THADA: variants seen among roughly 807,000 people sequenced by gnomAD.
THADA encodes tRNA (32-2'-O)-methyltransferase regulator THADA.
In THADA, 213 loss-of-function variants were observed where a neutral mutation model predicts 219.8. The observed-to-expected ratio is 0.97, with a 90% CI of 0.87 to 1.09. The LOEUF (loss-of-function observed/expected upper bound fraction) is 1.09, where lower values mean the gene tolerates loss of function less well. Ranked by LOEUF, THADA falls within the 50% of genes least tolerant of loss-of-function variation. The probability of loss-of-function intolerance (pLI) is 0.00; values close to 1 mark genes in which losing one functional copy is unlikely to be tolerated. For synonymous variants in THADA, 1,018 were observed against 828.9 expected (o/e 1.23, Z -3.92); for missense variants, 2,956 against 2,311.3 (o/e 1.28, Z -5.72).
intron 37 of THADA, 31 bp downstream of exon 37, chr2:43,232,682 G>GC (rs1289736742): frequency 6.2e-7 from 1 of 1,610,544 alleles, no homozygotes; most frequent in African/African-American, 1.3e-5. Context: ...CTCCAACCCT[G>GC]CCTCCTACTC....
chr2:43,429,801 A>C (rs764139565), intron 27 of THADA, among the ~76,000 whole-genome samples: 6 of 151,948 alleles, frequency 3.9e-5, no homozygotes, highest in Non-Finnish European at 7.4e-5. Context: ...TTCAGGTACA[A>C]ATTTACTACA....
intron 29 of THADA, among the ~76,000 whole-genome samples, chr2:43,375,440 C>T (rs145652438): frequency 6.6e-6 from 1 of 152,182 alleles, no homozygotes; most frequent in Admixed American, 6.5e-5. Flanking sequence ...TATTTTCTCT[C>T]TATTCTTCTT....
At chr2:43,366,656 A>G (rs1670191247) in intron 29 of THADA, among the ~76,000 whole-genome samples, 1 of 152,264 alleles carries the variant, frequency 6.6e-6, no homozygotes, top group Admixed American at 6.5e-5. Context: ...AAGGTTCCCA[A>G]TGAAGTTACC....
chr2:43,231,334 C>T lies in THADA; in HGVS notation c.5476G>A (p.Asp1826Asn), dbSNP rs936609942. The T allele has an allele frequency of 1.9e-6, 3 of 1,541,806 alleles. No homozygotes were observed. The highest frequency in any genetic ancestry group is 1.3e-5 in the South Asian group (1 of 77,942). ...CVESMHQVEE[D>N]YLFEKAEVNF... ...ACTTCTGCTTTTTCAAACAGGTAGTCTTCTTCCACCTAAATCAGATGAAAA... is the reference window on the plus strand; with the variant it reads ...ACTTCTGCTTTTTCAAACAGGTAGTTTTCTTCCACCTAAATCAGATGAAAA... The change falls in exon 38 of 38, where the codon GAC becomes AAC. Residue 1826 changes from aspartate to asparagine, a missense_variant. By Grantham distance (23) the Asp-to-Asn change is conservative (BLOSUM62 1). Coordinates refer to ENST00000405975, the MANE Select transcript of THADA (RefSeq NM_022065.5).
chr2:43,593,516 C>G (rs1701801399), intron 1 of THADA, among the ~76,000 whole-genome samples: 1 of 152,104 alleles, frequency 6.6e-6, no homozygotes, highest in Non-Finnish European at 1.5e-5. Flanking sequence ...CAGAGAACAG[C>G]TCAGTTAACC....
At chr2:43,518,576 A>G (rs1574053521) in intron 22 of THADA, among the ~76,000 whole-genome samples, 2 of 152,252 alleles carry the variant, frequency 1.3e-5, no homozygotes, top group South Asian at 4.1e-4. Context: ...GTTCAGGTTC[A>G]TGTAAAAGTG....
intron 28 of THADA, among the ~76,000 whole-genome samples, chr2:43,424,053 T>A (rs1417282338): frequency 6.6e-6 from 1 of 152,188 alleles, no homozygotes; most frequent in Non-Finnish European, 1.5e-5. Context: ...CATCAGAACA[T>A]AAAATACACT....
At chr2:43,439,083 T>C (rs1366603778) in intron 26 of THADA, among the ~76,000 whole-genome samples, 1 of 152,208 alleles carries the variant, frequency 6.6e-6, no homozygotes, top group African/African-American at 2.4e-5. Context: ...CTTAATATTT[T>C]TGAACCACTG....
At chr2:43,436,700 T>C (rs1255154358) in intron 26 of THADA, among the ~76,000 whole-genome samples, 1 of 152,200 alleles carries the variant, frequency 6.6e-6, no homozygotes, top group Non-Finnish European at 1.5e-5. Flanking sequence ...CTAGAATACA[T>C]TCTTTGGACT....
At chr2:43,528,084 C>T in intron 21 of THADA, 96 bp from the exon 22 acceptor site, 2 of 747,386 alleles carry the variant, frequency 2.7e-6, no homozygotes, top group East Asian at 2.7e-5. Flanking sequence ...GTCTAGGGGT[C>T]CATTCATTTA....
In THADA at chr2:43,290,133, C is replaced by A. The variant is rs146894874; in HGVS notation, c.5010+1563G>T. On this transcript the variant is annotated intron_variant, in intron 34 of 37. Coordinates refer to ENST00000405975, the MANE Select transcript of THADA (RefSeq NM_022065.5). ...GATTACAGGCGCCCACCACCACACCCGTCTAATTTTTGTATTTCTTGGTAG... is the reference window on the plus strand; with the variant it reads ...GATTACAGGCGCCCACCACCACACCAGTCTAATTTTTGTATTTCTTGGTAG... Among the ~76,000 whole-genome samples, 286 of 151,902 alleles carry A rather than the reference C, an allele frequency of 1.9e-3. 7 individuals carry two copies. The East Asian group carries it at 0.045, about 24-fold the overall frequency.
intron 21 of THADA, among the ~76,000 whole-genome samples, chr2:43,533,847 T>C (rs1694213256): frequency 6.6e-6 from 1 of 152,192 alleles, no homozygotes; most frequent in South Asian, 2.1e-4. Context: ...CCGTGGCACA[T>C]GTATACCTAC....
chr2:43,387,206 T>C (rs1254832462), intron 29 of THADA, among the ~76,000 whole-genome samples: 1 of 152,170 alleles, frequency 6.6e-6, no homozygotes, highest in African/African-American at 2.4e-5. Context: ...TATGTGTCAT[T>C]TTCCGAAGCT....
chr2:43,472,796 A>G (rs749233512), intron 26 of THADA, among the ~76,000 whole-genome samples: 3 of 152,222 alleles, frequency 2.0e-5, no homozygotes, highest in Non-Finnish European at 2.9e-5. Flanking sequence ...TATTACTCCT[A>G]TGCTACAAAC....
chr2:43,353,128 G>T (rs1490968367), intron 29 of THADA, among the ~76,000 whole-genome samples: 1 of 152,036 alleles, frequency 6.6e-6, no homozygotes, highest in Non-Finnish European at 1.5e-5. Flanking sequence ...ATCTATCTCA[G>T]TTTCTTTATT....
At chr2:43,413,599 C>T (rs900470075) in intron 28 of THADA, among the ~76,000 whole-genome samples, 22 of 152,124 alleles carry the variant, frequency 1.4e-4, no homozygotes, top group Non-Finnish European at 3.1e-4. Flanking sequence ...ACTATTTCAG[C>T]CATCAAGTGA....
At chr2:43,420,900 C>T (rs1327280841) in intron 28 of THADA, among the ~76,000 whole-genome samples, 2 of 152,194 alleles carry the variant, frequency 1.3e-5, no homozygotes, top group African/African-American at 2.4e-5. Flanking sequence ...GCCATGAGTA[C>T]AGCCCTCCAA....
At chr2:43,572,710 A>G in intron 12 of THADA, 104 bp downstream of exon 12, 3 of 953,570 alleles carry the variant, frequency 3.1e-6, no homozygotes, top group Non-Finnish European at 4.4e-6. Context: ...CTCTTTATGA[A>G]CTCCCTAAAA....
chr2:43,572,881 G>C lies in THADA; in HGVS notation c.1841C>G (p.Thr614Ser). The C allele has an allele frequency of 6.2e-7, 1 of 1,613,940 alleles. No homozygotes were observed. The highest frequency in any genetic ancestry group is 1.1e-5 in the South Asian group (1 of 91,086). The part of the protein sequence containing the change: ...ARAHGHLQSA[T>S]DTWENLVSDA... ...AGACACGAGGTTCTCCCAGGTATCA[G>C]TTGCAGACTGAAGATGTCCATGAGC... The change falls in exon 12 of 38, where the codon ACT becomes AGT. Residue 614 changes from threonine to serine, a missense_variant. Coordinates refer to ENST00000405975, the MANE Select transcript of THADA (RefSeq NM_022065.5).
Sources: allele counts gnomAD v4.1 joint callset (sites outside exome capture counted in the v4.1 genomes callset), GRCh38; gene constraint gnomAD v4.1.1; transcripts MANE v1.5; gene names NCBI Gene and HGNC (gene_info 2026-07-23, HGNC 2026-07-21).